The following DMD variants were observed in gnomAD, a reference collection of about 807,000 sequenced individuals.
DMD encodes the protein mutant dystrophin.
In DMD, 63 loss-of-function variants were observed where a neutral mutation model predicts 330.1. The ratio of observed to expected loss-of-function variants is 0.19; its 90% CI spans 0.16 to 0.24. DMD has a LOEUF of 0.24. DMD is among the 10% of genes least tolerant of loss of function. The probability of loss-of-function intolerance (pLI) is 1.00; values close to 1 mark genes in which losing one functional copy is unlikely to be tolerated. For synonymous variants in DMD, 1,223 were observed against 959.8 expected (o/e 1.27, Z -5.07); for missense variants, 3,344 against 2,684.1 (o/e 1.25, Z -5.43).
chrX:31,645,796 A>G (rs1250111201), intron 54 of DMD, among the ~76,000 whole-genome samples: 1 of 112,123 alleles, frequency 8.9e-6, no homozygotes, highest in African/African-American at 3.2e-5. Context: ...ACTTTCATAA[A>G]TACACATACT....
intron 2 of DMD, among the ~76,000 whole-genome samples, chrX:32,930,884 CTCA>C (rs974972910): frequency 2.1e-4 from 23 of 109,503 alleles, no homozygotes; most frequent in Non-Finnish European, 2.9e-4. Context: ...AGGTTGTGAA[CTCA>C]TCAAGTGCAC....
intron 2 of DMD, among the ~76,000 whole-genome samples, chrX:32,919,337 C>A (rs2088157523): frequency 9.0e-6 from 1 of 111,682 alleles, no homozygotes; most frequent in African/African-American, 3.3e-5. Context: ...CTGTTTTATA[C>A]TTTTTTGATC....
chrX:32,734,625 A>G (rs1353920213), intron 7 of DMD, among the ~76,000 whole-genome samples: 1 of 106,473 alleles, frequency 9.4e-6, no homozygotes, highest in South Asian at 4.2e-4. Context: ...CAAATCAATA[A>G]ATGTAATCCA....
chrX:32,847,344 A>G (rs930456043), intron 3 of DMD, among the ~76,000 whole-genome samples: 3 of 111,876 alleles, frequency 2.7e-5, no homozygotes, highest in African/African-American at 9.7e-5. Flanking sequence ...CCCCTATTAG[A>G]GTCTCCTTGG....
chrX:31,718,220 G>A (rs758017689), intron 52 of DMD, among the ~76,000 whole-genome samples: 2 of 111,630 alleles, frequency 1.8e-5, no homozygotes, highest in South Asian at 3.8e-4. Flanking sequence ...CCCTCGACTG[G>A]AATTTAAGAG....
chrX:31,440,611 G>A (rs1230624395), intron 60 of DMD, among the ~76,000 whole-genome samples: 1 of 112,110 alleles, frequency 8.9e-6, no homozygotes, highest in Non-Finnish European at 1.9e-5. Context: ...TTCCTTACAC[G>A]TAAAAGGGAA....
At chrX:31,555,501 A>G (rs1347431794) in intron 55 of DMD, among the ~76,000 whole-genome samples, 1 of 112,230 alleles carries the variant, frequency 8.9e-6, no homozygotes, top group Non-Finnish European at 1.9e-5. Context: ...ACACATGAGC[A>G]CTTAATGTTC....
chrX:32,129,335 T>C (rs1359924351), intron 44 of DMD, among the ~76,000 whole-genome samples: 1 of 111,473 alleles, frequency 9.0e-6, no homozygotes, highest in African/African-American at 3.3e-5. Context: ...CATTTTATGA[T>C]GAGAAAACAA....
chrX:33,107,490 A>G (rs111927558), intron 1 of DMD, among the ~76,000 whole-genome samples: 3,050 of 111,542 alleles, frequency 0.027, 103 homozygotes, highest in African/African-American at 0.094. Context: ...GGGCACTGGA[A>G]ATAATAAATT....
chrX:32,429,387 G>GTTATTTTTTTT (rs1191026907), intron 29 of DMD, among the ~76,000 whole-genome samples: 1 of 44,195 alleles, frequency 2.3e-5, no homozygotes, highest in African/African-American at 1.1e-4. Flanking sequence ...TTTTTTTTGG[G>GTTATTTTTTTT]TTTTTTTTTT....
chrX:32,306,677 C>G (rs1013107927), intron 42 of DMD, among the ~76,000 whole-genome samples: 10 of 109,740 alleles, frequency 9.1e-5, no homozygotes, highest in Admixed American at 6.9e-4. Flanking sequence ...TTCTTTTCTT[C>G]AATTCTCCCT....
At chrX:31,955,233 G>A (rs1569522140) in intron 45 of DMD, among the ~76,000 whole-genome samples, 1 of 111,704 alleles carries the variant, frequency 9.0e-6, no homozygotes, top group Non-Finnish European at 1.9e-5. Context: ...AGACATAAGA[G>A]GAAGCACATA....
At chrX:32,681,641 G>A (rs148565295) in intron 9 of DMD, among the ~76,000 whole-genome samples, 148 of 111,423 alleles carry the variant, frequency 1.3e-3, no homozygotes, top group African/African-American at 4.5e-3. Flanking sequence ...CAATACAATC[G>A]CAAACTGGGG....
chrX:32,426,876 T>C (rs1417547170), intron 29 of DMD, among the ~76,000 whole-genome samples: 1 of 111,410 alleles, frequency 9.0e-6, no homozygotes, highest in Non-Finnish European at 1.9e-5. Flanking sequence ...AAATATCACA[T>C]GTTCTCACTT....
intron 21 of DMD, among the ~76,000 whole-genome samples, chrX:32,475,656 G>T (rs774623041): frequency 9.0e-6 from 1 of 111,104 alleles, no homozygotes; most frequent in Non-Finnish European, 1.9e-5. Context: ...AAGGGGTTGA[G>T]TTCTTAATTT....
intron 44 of DMD, among the ~76,000 whole-genome samples, chrX:32,055,453 A>G (rs2096163017): frequency 9.0e-6 from 1 of 111,626 alleles, no homozygotes; most frequent in Admixed American, 9.5e-5. Context: ...CTAGTGCTCT[A>G]TACGACTGAA....
intron 34 of DMD, among the ~76,000 whole-genome samples, chrX:32,375,398 A>C (rs2097897928): frequency 8.9e-6 from 1 of 112,226 alleles, no homozygotes; most frequent in Admixed American, 9.5e-5. Context: ...GCTCTTTTGA[A>C]ACCAATAATA....
intron 20 of DMD, among the ~76,000 whole-genome samples, chrX:32,491,052 CAATT>C (rs1327091146): frequency 1.8e-5 from 2 of 112,594 alleles, no homozygotes; most frequent in African/African-American, 6.4e-5. Flanking sequence ...CCGACACAAT[CAATT>C]AGCGCTGTGT....
chrX:31,623,715 C>T (rs1005752109), intron 55 of DMD, among the ~76,000 whole-genome samples: 19 of 111,182 alleles, frequency 1.7e-4, no homozygotes, highest in African/African-American at 6.2e-4. Flanking sequence ...AGGTAAAACA[C>T]GAGATTAGGG....
Sources: gnomAD v4.1 joint callset for allele counts (sites outside exome capture counted in the v4.1 genomes callset) on GRCh38, gnomAD v4.1.1 for gene constraint, MANE v1.5 for transcripts, NCBI Gene and HGNC (gene_info 2026-07-23, HGNC 2026-07-21) for gene names.